ZBTB41: variants seen among roughly 807,000 people sequenced by gnomAD.
The protein encoded by ZBTB41 is zinc finger and BTB domain containing 41.
A neutral mutation model predicts 87.6 loss-of-function variants in ZBTB41; 42 were observed. The ratio of observed to expected loss-of-function variants is 0.48; its 90% CI spans 0.37 to 0.62. The LOEUF is 0.62. Ranked by LOEUF, ZBTB41 falls within the 20% of genes least tolerant of loss-of-function variation. The pLI is 0.00. For synonymous variants in ZBTB41, 364 were observed against 364.0 expected (o/e 1.00, Z 0.00); for missense variants, 799 against 1,078.9 (o/e 0.74, Z 3.63).
In ZBTB41 at chr1:197,172,199, C is replaced by A; in HGVS notation, c.2035G>T (p.Gly679Cys). The A allele has an allele frequency of 7.0e-7, 1 of 1,436,448 alleles. No homozygotes were observed. The highest frequency in any genetic ancestry group is 9.2e-7 in the Non-Finnish European group (1 of 1,083,036). 89.0% of individuals were successfully genotyped at this position (1,436,448 alleles called of 1,614,324 possible). ...AAATGCATTTCCAGACTTGATTTGCCTTTAAAAATTTTCTTACAAACATCA... is the reference window on the plus strand; with the variant it reads ...AAATGCATTTCCAGACTTGATTTGCATTTAAAAATTTTCTTACAAACATCA... Reference protein sequence around the residue: ...QCDVCKKIFKGKSSLEMHFRT... With the variant: ...QCDVCKKIFKCKSSLEMHFRT... Residue 679 changes from glycine (G) to cysteine (C), a missense_variant, in exon 10 of 11, where the codon GGC (glycine) becomes TGC (cysteine). Physicochemically the swap from Gly to Cys is radical, Grantham distance 159. Coordinates refer to ENST00000367405, the MANE Select transcript of ZBTB41 (RefSeq NM_194314.3).
At chr1:197,185,992 G>A (rs1659872336) in intron 5 of ZBTB41, among the ~76,000 whole-genome samples, 1 of 151,942 alleles carries the variant, frequency 6.6e-6, no homozygotes, top group South Asian at 2.1e-4. Context: ...ATATGGAAAG[G>A]CAAAAGATCC....
chr1:197,188,465 T>G, intron 4 of ZBTB41, 26 bp from the exon 5 acceptor site: 1 of 1,554,080 alleles, frequency 6.4e-7, no homozygotes. Context: ...AACAAAATGT[T>G]AAGAGAACCT....
At chr1:197,162,231 AAGAT>A (rs370726446) in intron 10 of ZBTB41, among the ~76,000 whole-genome samples, 3 of 152,328 alleles carry the variant, frequency 2.0e-5, no homozygotes, top group South Asian at 4.1e-4. Context: ...ATAGTGCTTA[AAGAT>A]AGATAGCAGA....
chr1:197,163,578 TAAAAG>T (rs1018118913), intron 10 of ZBTB41, among the ~76,000 whole-genome samples: 2 of 151,338 alleles, frequency 1.3e-5, no homozygotes, highest in Admixed American at 1.3e-4. Flanking sequence ...TCTTCCTAAA[TAAAAG>T]AAAGACATCA....
chr1:197,163,760 G>A (rs942288986), intron 10 of ZBTB41, among the ~76,000 whole-genome samples: 1 of 151,792 alleles, frequency 6.6e-6, no homozygotes, highest in Non-Finnish European at 1.5e-5. Flanking sequence ...TCCTTCAAAT[G>A]AGCAACAATA....
rs762581699 is a variant in ZBTB41, at chr1:197,197,044, T to G, written c.1120+2310A>C. Among the ~76,000 whole-genome samples, 51 of 152,218 alleles carry G rather than the reference T, an allele frequency of 3.4e-4. 1 individual carries two copies. Among genetic ancestry groups the G allele is most frequent in the Non-Finnish European group, 8.8e-5 (6 of 68,042 alleles). ...ATATCATTTCATATTTGTTTAATAA[T>G]GTTTGGCAGCTTAGAGACAATAAAT... On this transcript the variant is annotated intron_variant, in intron 2 of 10. Coordinates refer to ENST00000367405, the MANE Select transcript of ZBTB41 (RefSeq NM_194314.3).
At chr1:197,169,705 A>AT (rs964931400) in intron 10 of ZBTB41, among the ~76,000 whole-genome samples, 1 of 152,048 alleles carries the variant, frequency 6.6e-6, no homozygotes, top group Non-Finnish European at 1.5e-5. Context: ...CTATACTTCA[A>AT]TAAAAAAAAG....
rs183939974 is a variant in ZBTB41 at position 197,181,169 on chromosome 1, A to T, written c.1547-52T>A. ...ATTTAAAGTTTAAAGAGGAGATACT[A>T]AGTTAAATTTAATAGGTATGCTGTA... On this transcript the variant is annotated intron_variant, in intron 5 of 10. Transcript: ENST00000367405. The T allele has an allele frequency of 2.5e-4, 380 of 1,511,094 alleles. 2 individuals carry two copies. Among genetic ancestry groups the T allele is most frequent in the South Asian group, 2.5e-4 (19 of 76,840 alleles). 93.6% of individuals were successfully genotyped at this position (1,511,094 alleles called of 1,614,324 possible). A position where few individuals can be genotyped will look rare whatever the true frequency, so the allele number is the denominator to read the frequency against.
In ZBTB41 at chr1:197,199,403, G is replaced by C; in HGVS notation, c.1071C>G (p.Asn357Lys). Residue 357 changes from asparagine (N) to lysine (K), a missense_variant, in exon 2 of 11, where the codon AAC becomes AAG. Asn to Lys is a moderately conservative substitution (Grantham distance 94). Around this residue, in one of 5 missense-constraint regions of ZBTB41, gnomAD observed 294 missense variants for 340.1 expected, o/e 0.86. Transcript: ENST00000367405. Reference sequence around the variant, plus strand: ...ATTTAGGACACTGCAATATTTTTTTGTTGCTGTTCTGAATGACCACTGGAG... The same window carrying C: ...ATTTAGGACACTGCAATATTTTTTTCTTGCTGTTCTGAATGACCACTGGAG... ...GLTPVVIQNS[N>K]KKILQCPKCD... 6.3e-7 allele frequency: 1 copy of C among 1,584,998 alleles called. No individual in the cohort carries two copies. Among genetic ancestry groups the C allele is most frequent in the South Asian group, 1.2e-5 (1 of 85,360 alleles).
Position 197,160,429 on chromosome 1 carries a change from A to AAAAAGGTT in ZBTB41, c.2075-423_2075-416dup, listed in dbSNP as rs1438169978. ...GCTTACTTTTATTCCCATAGCCCTC[A>AAAAAGGTT]AAAAGGTTAAACCAAAACATCTGAT... On this transcript the variant is annotated intron_variant, in intron 10 of 10. Coordinates refer to ENST00000367405, the MANE Select transcript of ZBTB41 (RefSeq NM_194314.3). Among the ~76,000 whole-genome samples, 7 of 152,134 alleles carry AAAAAGGTT rather than the reference A, an allele frequency of 4.6e-5. No individual in the cohort carries two copies. The East Asian group carries it at 9.6e-4, about 21-fold the overall frequency.
rs1311364546 is a variant in ZBTB41 at position 197,157,132 on chromosome 1, T to G, written c.*2227A>C. The stretch of plus-strand genomic sequence containing the variant: ...TATTTCACTTTACTAAGAGATGTAT[T>G]CCAAAAAAGTTCTGTGTAAACCAAT... On this transcript the variant is annotated 3_prime_UTR_variant, in exon 11 of 11. Coordinates refer to ENST00000367405, the MANE Select transcript of ZBTB41 (RefSeq NM_194314.3). The G allele has an allele frequency of 6.6e-6, 1 of 152,170 alleles. No individual in the cohort carries two copies. Among genetic ancestry groups the G allele is most frequent in the East Asian group, 1.9e-4 (1 of 5,200 alleles). The allele number at this position is 152,170 out of a possible 1,614,324, so 9.4% of individuals were successfully genotyped here.
chr1:197,191,477 A>AT (rs1491490164), intron 3 of ZBTB41, among the ~76,000 whole-genome samples: 5 of 131,326 alleles, frequency 3.8e-5, no homozygotes, highest in African/African-American at 1.3e-4. Context: ...AAAAAAAAAA[A>AT]AGAGAAAGAA....
chr1:197,166,049 G>C (rs1659336442), intron 10 of ZBTB41, among the ~76,000 whole-genome samples: 1 of 152,118 alleles, frequency 6.6e-6, no homozygotes, highest in Admixed American at 6.5e-5. Flanking sequence ...GGGGGATGGG[G>C]GGGCCTGGGG....
chr1:197,197,056 T>C (rs1660181704), intron 2 of ZBTB41, among the ~76,000 whole-genome samples: 1 of 152,174 alleles, frequency 6.6e-6, no homozygotes, highest in Non-Finnish European at 1.5e-5. Flanking sequence ...TTTGGCAGCT[T>C]AGAGACAATA....
intron 5 of ZBTB41, 30 bp from the exon 6 acceptor site, chr1:197,181,147 T>TA (rs1659736087): frequency 6.5e-7 from 1 of 1,549,218 alleles, no homozygotes; most frequent in South Asian, 1.2e-5. Context: ...AGTGTGCATT[T>TA]AAAGTTTAAA....
intron 10 of ZBTB41, among the ~76,000 whole-genome samples, chr1:197,163,352 ATAT>A (rs963658763): frequency 1.3e-5 from 2 of 152,166 alleles, no homozygotes; most frequent in Non-Finnish European, 2.9e-5. Context: ...CTCAAAGCAA[ATAT>A]TATATATATA....
intron 8 of ZBTB41, among the ~76,000 whole-genome samples, chr1:197,175,424 A>AAC (rs1659578428): frequency 7.1e-6 from 1 of 140,198 alleles, no homozygotes; most frequent in Non-Finnish European, 1.6e-5. Context: ...AAAACTTAGG[A>AAC]ATTTTAAATA....
intron 5 of ZBTB41, among the ~76,000 whole-genome samples, chr1:197,184,376 T>C (rs955072756): frequency 6.6e-6 from 1 of 152,170 alleles, no homozygotes; most frequent in Non-Finnish European, 1.5e-5. Context: ...TGTTGCGCAA[T>C]AGTGCCTTGA....
chr1:197,167,938 G>C (rs968983103), intron 10 of ZBTB41, among the ~76,000 whole-genome samples: 2 of 152,128 alleles, frequency 1.3e-5, no homozygotes, highest in African/African-American at 4.8e-5. Context: ...GAGAGAGAGA[G>C]AGTGTGTGTT....
Sources: gnomAD v4.1 joint callset for allele counts (sites outside exome capture counted in the v4.1 genomes callset) on GRCh38, gnomAD v4.1.1 for gene constraint, gnomAD v4.1.1 regional missense constraint, MANE v1.5 for transcripts, NCBI Gene and HGNC (gene_info 2026-07-23, HGNC 2026-07-21) for gene names.